EYA4: variants seen among roughly 807,000 people sequenced by gnomAD.
EYA4 encodes EYA transcriptional coactivator and phosphatase 4, also known as protein phosphatase EYA4.
A neutral mutation model predicts 87.9 loss-of-function variants in EYA4; 31 were observed. The observed-to-expected ratio is 0.35, with a 90% CI of 0.27 to 0.48. The LOEUF (loss-of-function observed/expected upper bound fraction) is 0.48. EYA4 is among the 20% of genes least tolerant of loss of function. The probability of loss-of-function intolerance (pLI) is 0.99; values close to 1 mark genes in which losing one functional copy is unlikely to be tolerated. For missense variants in EYA4, 678 were observed against 761.4 expected (o/e 0.89, Z 1.29); for synonymous variants, 263 against 270.6 (o/e 0.97, Z 0.28).
At chr6:133,507,348 A>G (rs377234537) in intron 14 of EYA4, 2 of 148,754 alleles carry the variant, frequency 1.3e-5, no homozygotes, top group South Asian at 2.2e-4. Context: ...TGTGTGAGAA[A>G]GAAAAGCCAA....
chr6:133,396,833 CAT>C (rs1787846678), intron 3 of EYA4, among the ~76,000 whole-genome samples: 1 of 152,116 alleles, frequency 6.6e-6, no homozygotes, highest in Non-Finnish European at 1.5e-5. Flanking sequence ...GCTGACAGCA[CAT>C]GACACAACTA....
chr6:133,393,417 T>A (rs1583159504), intron 3 of EYA4, among the ~76,000 whole-genome samples: 4 of 152,052 alleles, frequency 2.6e-5, no homozygotes. Context: ...AACCACCAAT[T>A]AAATAAAATA....
chr6:133,499,617 C>T (rs1797935057), intron 13 of EYA4, among the ~76,000 whole-genome samples: 1 of 152,056 alleles, frequency 6.6e-6, no homozygotes, highest in African/African-American at 2.4e-5. Context: ...GAATTGTGAA[C>T]AAAATCTTTT....
intron 5 of EYA4, among the ~76,000 whole-genome samples, chr6:133,452,071 A>G (rs1793503733): frequency 6.6e-6 from 1 of 152,130 alleles, no homozygotes; most frequent in African/African-American, 2.4e-5. Context: ...TTGAATGAAT[A>G]TATTGATCCA....
Position 133,506,150 on chromosome 6 carries a change from G to T in EYA4, c.1236G>T (p.Met412Ile). Residue 412 changes from methionine (M) to isoleucine (I), a missense_variant, in exon 14 of 20, where the codon ATG becomes ATT. By Grantham distance (10) the Met-to-Ile change is conservative (BLOSUM62 1). Coordinates refer to ENST00000355286, the MANE Select transcript of EYA4 (RefSeq NM_004100.5). ...CCCTTGGACTCCGCATGGAAGAAAT[G>T]ATTTTTAATCTTGCTGATACTCATT... is the stretch of plus-strand genomic sequence containing the variant. ...AVTLGLRMEE[M>I]IFNLADTHLF... 2 of 1,611,856 alleles carry T rather than the reference G, an allele frequency of 1.2e-6. No homozygotes were observed. Among genetic ancestry groups the T allele is most frequent in the South Asian group, 1.1e-5 (1 of 91,034 alleles).
At chr6:133,466,682 A>AG (rs1357493671) in intron 10 of EYA4, among the ~76,000 whole-genome samples, 1 of 151,994 alleles carries the variant, frequency 6.6e-6, no homozygotes, top group African/African-American at 2.4e-5. Flanking sequence ...TCTAAGAGTT[A>AG]GGTGAAGAAG....
chr6:133,400,133 T>C (rs1179122323), intron 3 of EYA4, among the ~76,000 whole-genome samples: 1 of 152,210 alleles, frequency 6.6e-6, no homozygotes, highest in African/African-American at 2.4e-5. Flanking sequence ...AAGAGTTTCA[T>C]GATAAAATGA....
chr6:133,476,233 T>C lies in EYA4; in HGVS notation c.971-5230T>C, dbSNP rs180915407. 1.3e-3 allele frequency among the ~76,000 whole-genome samples: 197 copies of C among 152,228 alleles called. 2 individuals carry two copies. The highest frequency in any genetic ancestry group is 4.3e-3 in the African/African-American group (179 of 41,552). ...TGAGCTGATTAACATATGCATTACC[T>C]CACATGCTTATCATTTTGTGGTGAG... On this transcript the variant is annotated intron_variant, in intron 11 of 19. Coordinates refer to ENST00000355286, the MANE Select transcript of EYA4 (RefSeq NM_004100.5).
intron 13 of EYA4, among the ~76,000 whole-genome samples, chr6:133,488,036 A>T (rs78813415): frequency 6.6e-6 from 1 of 152,142 alleles, no homozygotes; most frequent in Non-Finnish European, 1.5e-5. Flanking sequence ...GCATGAAAGC[A>T]TTCGCCACAA....
chr6:133,520,820 A>T (rs1213005962), intron 17 of EYA4, among the ~76,000 whole-genome samples: 1 of 151,826 alleles, frequency 6.6e-6, no homozygotes, highest in Non-Finnish European at 1.5e-5. Context: ...CCTATCTACA[A>T]CTATCTGATC....
chr6:133,447,620 C>T (rs1272715131), intron 4 of EYA4, among the ~76,000 whole-genome samples: 4 of 152,062 alleles, frequency 2.6e-5, no homozygotes, highest in Non-Finnish European at 5.9e-5. Flanking sequence ...AATTGATACA[C>T]CTCTTCCCAT....
intron 2 of EYA4, among the ~76,000 whole-genome samples, chr6:133,328,522 T>TTGGTTTAAATAACCTG (rs1781677568): frequency 6.6e-6 from 1 of 152,168 alleles, no homozygotes; most frequent in Non-Finnish European, 1.5e-5. Context: ...AGAAAAATAC[T>TTGGTTTAAATAACCTG]TGGTTTAAAT....
intron 2 of EYA4, among the ~76,000 whole-genome samples, chr6:133,372,594 G>T (rs550948323): frequency 6.6e-6 from 1 of 151,468 alleles, no homozygotes; most frequent in South Asian, 2.1e-4. Context: ...ATTGTATAAA[G>T]CTTAATTTTA....
chr6:133,319,019 T>C (rs999709060), intron 2 of EYA4, among the ~76,000 whole-genome samples: 1 of 152,218 alleles, frequency 6.6e-6, no homozygotes, highest in Admixed American at 6.5e-5. Context: ...TAACAGCCTG[T>C]CCAGCAGGCA....
chr6:133,265,451 T>C (rs1776141836), intron 1 of EYA4, among the ~76,000 whole-genome samples: 1 of 152,198 alleles, frequency 6.6e-6, no homozygotes, highest in Non-Finnish European at 1.5e-5. Flanking sequence ...ATATCTTTAT[T>C]ATGAGGTAAT....
At chr6:133,242,629 C>T (rs1280895354) in intron 1 of EYA4, among the ~76,000 whole-genome samples, 1 of 152,102 alleles carries the variant, frequency 6.6e-6, no homozygotes, top group East Asian at 1.9e-4. Flanking sequence ...TATTCTGCGC[C>T]GCACAGCAAC....
At chr6:133,406,054 T>C (rs1475978552) in intron 3 of EYA4, among the ~76,000 whole-genome samples, 1 of 152,232 alleles carries the variant, frequency 6.6e-6, no homozygotes, top group East Asian at 1.9e-4. Context: ...ATCTTCTATC[T>C]ATCTATTTAG....
chr6:133,364,965 A>G (rs1784746522), intron 2 of EYA4, among the ~76,000 whole-genome samples: 1 of 152,220 alleles, frequency 6.6e-6, no homozygotes, highest in Admixed American at 6.5e-5. Context: ...GGATGAAAAT[A>G]GGTTATCTAG....
At chr6:133,270,098 T>G (rs889162602) in intron 1 of EYA4, among the ~76,000 whole-genome samples, 1 of 152,196 alleles carries the variant, frequency 6.6e-6, no homozygotes, top group Non-Finnish European at 1.5e-5. Flanking sequence ...TCTGCCTTCT[T>G]CAGCCCACTG....
Sources: allele counts gnomAD v4.1 joint callset (sites outside exome capture counted in the v4.1 genomes callset), GRCh38; gene constraint gnomAD v4.1.1; transcripts MANE v1.5; gene names NCBI Gene and HGNC (gene_info 2026-07-23, HGNC 2026-07-21).